Variants in ISY1 observed in about 807,000 individuals in gnomAD.
ISY1 encodes pre-mRNA-splicing factor ISY1 homolog.
A neutral mutation model predicts 54.4 loss-of-function variants in ISY1; 12 were observed. The ratio of observed to expected loss-of-function variants is 0.22; its 90% CI spans 0.14 to 0.36. The LOEUF (loss-of-function observed/expected upper bound fraction) is 0.36. ISY1 is among the 10% of genes least tolerant of loss of function. ISY1 has a pLI of 1.00. For missense variants in ISY1, 282 were observed against 342.2 expected (o/e 0.82, Z 1.39); for synonymous variants, 96 against 117.9 (o/e 0.81, Z 1.20).
intron 7 of ISY1, among the ~76,000 whole-genome samples, chr3:129,139,181 C>T (rs1243522184): frequency 3.9e-5 from 6 of 151,940 alleles, no homozygotes; most frequent in Non-Finnish European, 5.9e-5. Context: ...GTGATTCTCC[C>T]GCCTCAGGCT....
intron 1 of ISY1, among the ~76,000 whole-genome samples, chr3:129,159,784 C>G (rs1364807138): frequency 6.6e-6 from 1 of 152,200 alleles, no homozygotes; most frequent in Non-Finnish European, 1.5e-5. Flanking sequence ...GTCTCTCTAT[C>G]ACTCAGTTTC....
rs1170142899 is a variant in ISY1, at chr3:129,129,078, GGGACTCCCCTGCA to G, written c.*990_*1002del. 5 of 152,316 alleles carry G rather than the reference GGGACTCCCCTGCA, an allele frequency of 3.3e-5. No homozygotes were observed. The highest frequency in any genetic ancestry group is 1.2e-4 in the African/African-American group (5 of 41,466). The allele number at this position is 152,316 out of a possible 1,614,324, so 9.4% of individuals were successfully genotyped here. A position where few individuals can be genotyped will look rare whatever the true frequency, so the allele number is the denominator to read the frequency against. Reference sequence around the variant, plus strand: ...TGCCACACTTGGGGCTGGGGCTTCAGGGACTCCCCTGCAGGAAGGCAGTGCCCCTTAGTGACTG... The same window carrying G: ...TGCCACACTTGGGGCTGGGGCTTCAGGGAAGGCAGTGCCCCTTAGTGACTG... On this transcript the variant is annotated 3_prime_UTR_variant, in exon 11 of 11. Coordinates refer to ENST00000393295, the MANE Select transcript of ISY1 (RefSeq NM_020701.4).
Position 129,140,342 on chromosome 3 carries a change from G to C in ISY1, c.418+26C>G, listed in dbSNP as rs551298283. 1.7e-5 allele frequency: 27 copies of C among 1,551,404 alleles called. No homozygotes were observed. The African/African-American group carries it at 4.0e-4, about 23-fold the overall frequency. ...CTCTTATGATTATTACCAATGAAAG[G>C]CTAAAACTGTCACAAACTTACTTAC... On this transcript the variant is annotated intron_variant, in intron 7 of 10. Coordinates refer to ENST00000393295, the MANE Select transcript of ISY1 (RefSeq NM_020701.4).
At chr3:129,155,604 G>A (rs976859721) in intron 5 of ISY1, among the ~76,000 whole-genome samples, 2 of 151,826 alleles carry the variant, frequency 1.3e-5, no homozygotes, top group Non-Finnish European at 2.9e-5. Flanking sequence ...TAATTTCTTT[G>A]CTGTTTCCTC....
In ISY1 at chr3:129,160,868, G is replaced by A. The variant is rs942014160; in HGVS notation, c.3+105C>T. ...TACACCAAGGAACTTGAAGCCCTCA[G>A]CACTGCACGTCTGAGCCTCTACCGA... On this transcript the variant is annotated intron_variant, in intron 1 of 10. Transcript: ENST00000393295. The A allele has an allele frequency of 1.3e-5, 18 of 1,381,122 alleles. No individual in the cohort carries two copies. The South Asian group carries it at 2.2e-4, about 17-fold the overall frequency. 85.6% of individuals were successfully genotyped at this position (1,381,122 alleles called of 1,614,324 possible). A position where few individuals can be genotyped will look rare whatever the true frequency, so the allele number is the denominator to read the frequency against.
chr3:129,156,092 T>C (rs1345703664), intron 5 of ISY1, among the ~76,000 whole-genome samples: 1 of 152,068 alleles, frequency 6.6e-6, no homozygotes, highest in Non-Finnish European at 1.5e-5. Context: ...ATGTTCCACG[T>C]GCTCTTAAAA....
intron 10 of ISY1, 36 bp from the exon 11 acceptor site, chr3:129,130,224 CA>C: frequency 6.4e-7 from 1 of 1,561,460 alleles, no homozygotes; most frequent in Non-Finnish European, 8.6e-7. Context: ...CACTCCTCAG[CA>C]AAGCCCCTCA....
chr3:129,157,909 G>C (rs1937192236), intron 3 of ISY1, among the ~76,000 whole-genome samples: 1 of 151,968 alleles, frequency 6.6e-6, no homozygotes, highest in Non-Finnish European at 1.5e-5. Context: ...CTGTTGACCT[G>C]GAGTGCAGCA....
At chr3:129,147,092 T>C (rs1576883636) in intron 5 of ISY1, among the ~76,000 whole-genome samples, 1 of 144,340 alleles carries the variant, frequency 6.9e-6, no homozygotes, top group South Asian at 2.2e-4. Context: ...GAATATATTG[T>C]AACTGGGTGC....
chr3:129,130,654 G>A lies in ISY1; in HGVS notation c.664-18C>T, dbSNP rs563551591. The A allele has an allele frequency of 1.2e-5, 19 of 1,613,492 alleles. No homozygotes were observed. In the East Asian group the frequency reaches 1.8e-4, roughly 15 times the overall value. ...TCGTCCGACTACAAACAGAACAAAC[G>A]AAAGTCCATCAGTAGGCGCCCAGCT... On this transcript the variant is annotated intron_variant, in intron 9 of 10. Transcript: ENST00000393295.
intron 7 of ISY1, among the ~76,000 whole-genome samples, chr3:129,138,058 C>T (rs2107604705): frequency 6.7e-6 from 1 of 148,154 alleles, no homozygotes; most frequent in East Asian, 2.0e-4. Context: ...GGGCGGATCA[C>T]AAGGTCAGGA....
chr3:129,147,696 T>C (rs1288171422), intron 5 of ISY1, among the ~76,000 whole-genome samples: 1 of 152,200 alleles, frequency 6.6e-6, no homozygotes, highest in Non-Finnish European at 1.5e-5. Flanking sequence ...CACAAATGCA[T>C]ATAATCATGT....
intron 7 of ISY1, among the ~76,000 whole-genome samples, chr3:129,138,219 A>G (rs1194588064): frequency 6.6e-6 from 1 of 151,502 alleles, no homozygotes; most frequent in Non-Finnish European, 1.5e-5. Context: ...CAGAGCTTGC[A>G]GCAGTAAGCC....
At chr3:129,133,880 C>A (rs62265337) in intron 9 of ISY1, among the ~76,000 whole-genome samples, 194 bp downstream of exon 9, 1 of 152,172 alleles carries the variant, frequency 6.6e-6, no homozygotes. Context: ...AAAGCACGGC[C>A]GGCAGGGCAC....
chr3:129,160,073 T>G lies in ISY1; in HGVS notation c.4-897A>C, dbSNP rs1480662735. On this transcript the variant is annotated intron_variant, in intron 1 of 10. Coordinates refer to ENST00000393295, the MANE Select transcript of ISY1 (RefSeq NM_020701.4). ...CGGAGTCTCGCTCTGTCGCCCAGGC[T>G]GGAGTGCAGTGGCGCGATCTCGGCT... Among the ~76,000 whole-genome samples the G allele has an allele frequency of 3.9e-5, 6 of 152,168 alleles. No homozygotes were observed. The East Asian group carries it at 1.2e-3, about 30-fold the overall frequency.
At position 129,150,776 on chromosome 3, in the gene ISY1, T is replaced by C. The variant is rs59214458; in HGVS notation, c.188-4903A>G. On this transcript the variant is annotated intron_variant, in intron 5 of 10. Transcript: ENST00000393295. Reference sequence around the variant, plus strand: ...TCTTGTGTTTTGGTGCTTTTGTAAATAGCACTTTAAAAAAATGTTGTATTT... The same window carrying C: ...TCTTGTGTTTTGGTGCTTTTGTAAACAGCACTTTAAAAAAATGTTGTATTT... Among the ~76,000 whole-genome samples, 1,143 of 151,854 alleles carry C rather than the reference T, an allele frequency of 7.5e-3. 13 individuals carry two copies. Among genetic ancestry groups the C allele is most frequent in the African/African-American group, 0.026 (1,077 of 41,280 alleles).
chr3:129,158,965 A>G (rs1405628379), intron 2 of ISY1, among the ~76,000 whole-genome samples, 189 bp downstream of exon 2: 1 of 152,340 alleles, frequency 6.6e-6, no homozygotes, highest in Non-Finnish European at 1.5e-5. Flanking sequence ...AACTGTGAGA[A>G]AACACATAAA....
At chr3:129,130,783 G>T in intron 9 of ISY1, 147 bp from the exon 10 acceptor site, 1 of 813,462 alleles carries the variant, frequency 1.2e-6, no homozygotes, top group Non-Finnish European at 1.8e-6. Flanking sequence ...TGACCCACAA[G>T]ATTAAGTAAA....
chr3:129,158,570 T>TATAAAAG lies in ISY1; in HGVS notation c.27-18_27-12dup, dbSNP rs776422682. On this transcript the variant is annotated splice_polypyrimidine_tract_variant and intron_variant, in intron 2 of 10. Transcript: ENST00000393295. The stretch of plus-strand genomic sequence containing the variant: ...CTTGCTAAGGCCGTCCTACCAGCGA[T>TATAAAAG]ATAAAAGATAAAAGACTCCATTAGA... 16 of 1,613,866 alleles carry TATAAAAG rather than the reference T, an allele frequency of 9.9e-6. No homozygotes were observed. The highest frequency in any genetic ancestry group is 4.0e-5 in the African/African-American group (3 of 74,936).
Sources: gnomAD v4.1 joint callset for allele counts (sites outside exome capture counted in the v4.1 genomes callset) on GRCh38, gnomAD v4.1.1 for gene constraint, MANE v1.5 for transcripts, NCBI Gene and HGNC (gene_info 2026-07-23, HGNC 2026-07-21) for gene names.